Variants in GULP1 observed in about 807,000 individuals in gnomAD.
GULP1 encodes GULP PTB domain containing engulfment adaptor 1.
In GULP1, 19 loss-of-function variants were observed where a neutral mutation model predicts 40.9. That is an observed-to-expected ratio of 0.46 (90% confidence interval 0.32 to 0.68). The LOEUF (loss-of-function observed/expected upper bound fraction) is 0.68. GULP1 is among the 30% of genes least tolerant of loss of function. GULP1 has a pLI of 0.03. For missense variants in GULP1, 312 were observed against 362.2 expected (o/e 0.86, Z 1.12); for synonymous variants, 119 against 117.6 (o/e 1.01, Z -0.08).
intron 1 of GULP1, among the ~76,000 whole-genome samples, chr2:188,312,970 GT>G (rs201030515): frequency 6.6e-6 from 1 of 151,690 alleles, no homozygotes; most frequent in East Asian, 1.9e-4. Context: ...GGGGTTGTTT[GT>G]TTTTTTCCTG....
rs2034234713 is a variant in GULP1 at position 188,293,454 on chromosome 2, A to G, written c.-172+1288A>G. 2.0e-5 allele frequency among the ~76,000 whole-genome samples: 3 copies of G among 152,348 alleles called. No individual in the cohort carries two copies. In the South Asian group the frequency reaches 6.2e-4, roughly 32 times the overall value. ...GGACTAGCAGGAGACAATACTGATG[A>G]TTTTGTGTCTGTATTACAAAATGGG... On this transcript the variant is annotated intron_variant, in intron 1 of 11. Coordinates refer to ENST00000409830, the MANE Select transcript of GULP1 (RefSeq NM_016315.4).
chr2:188,570,497 T>C lies in GULP1; in HGVS notation c.609+377T>C, dbSNP rs187010746. Among the ~76,000 whole-genome samples, 78 of 152,314 alleles carry C rather than the reference T, an allele frequency of 5.1e-4. 1 individual carries two copies. The highest frequency in any genetic ancestry group is 1.5e-3 in the African/African-American group (62 of 41,576). On this transcript the variant is annotated intron_variant, in intron 9 of 11. Transcript: ENST00000409830. ...CCCCTTGAAGTGCTCAACTTCATTG[T>C]AGGAATTCAACTGTGAGCAAGACTG...
At chr2:188,443,726 G>A (rs375092340) in intron 2 of GULP1, among the ~76,000 whole-genome samples, 10 of 143,798 alleles carry the variant, frequency 7.0e-5, no homozygotes, top group African/African-American at 1.6e-4. Context: ...TTGCTCTGTC[G>A]CCCAGGCTGG....
intron 4 of GULP1, among the ~76,000 whole-genome samples, chr2:188,487,923 A>T (rs2153081858): frequency 6.6e-6 from 1 of 152,086 alleles, no homozygotes; most frequent in South Asian, 2.1e-4. Context: ...TGCCAACAAA[A>T]AAATTACCTA....
At chr2:188,589,974 C>CTT (rs11399381) in intron 11 of GULP1, 6,918 of 208,080 alleles carry the variant, frequency 0.033, 9 homozygotes, top group East Asian at 0.077. Context: ...CCTTTCTTTT[C>CTT]TTTTTTTTTT....
At chr2:188,332,914 A>G (rs1021644459) in intron 1 of GULP1, among the ~76,000 whole-genome samples, 4 of 152,112 alleles carry the variant, frequency 2.6e-5, no homozygotes, top group African/African-American at 7.2e-5. Context: ...GAGCTTGGAT[A>G]AGTAGCTTCG....
intron 2 of GULP1, among the ~76,000 whole-genome samples, chr2:188,439,105 A>T: frequency 6.6e-6 from 1 of 152,140 alleles, no homozygotes; most frequent in Non-Finnish European, 1.5e-5. Flanking sequence ...GCATATTTCT[A>T]CCAACTATTG....
intron 6 of GULP1, among the ~76,000 whole-genome samples, chr2:188,537,057 G>T (rs1689125395): frequency 6.6e-6 from 1 of 151,690 alleles, no homozygotes; most frequent in Non-Finnish European, 1.5e-5. Context: ...TACTGAAGTT[G>T]TTTACTATCA....
chr2:188,442,657 C>T (rs1488928431), intron 2 of GULP1, among the ~76,000 whole-genome samples: 1 of 152,102 alleles, frequency 6.6e-6, no homozygotes, highest in African/African-American at 2.4e-5. Flanking sequence ...TGATTGTAGA[C>T]AAATTTATCC....
At chr2:188,368,878 G>C (rs1017507568) in intron 1 of GULP1, among the ~76,000 whole-genome samples, 2 of 138,882 alleles carry the variant, frequency 1.4e-5, no homozygotes, top group South Asian at 4.6e-4. Context: ...CATTGGGTTA[G>C]TATAATTCTT....
chr2:188,497,100 A>C (rs2062971892), intron 4 of GULP1, among the ~76,000 whole-genome samples: 1 of 151,994 alleles, frequency 6.6e-6, no homozygotes, highest in Non-Finnish European at 1.5e-5. Context: ...AACAGTAATC[A>C]ATGAGTTATC....
intron 6 of GULP1, among the ~76,000 whole-genome samples, chr2:188,538,725 A>T (rs1689628046): frequency 6.7e-6 from 1 of 149,256 alleles, no homozygotes; most frequent in Non-Finnish European, 1.5e-5. Context: ...GTGTGTAGTG[A>T]GAGAGAGAGA....
intron 9 of GULP1, among the ~76,000 whole-genome samples, chr2:188,582,792 A>G (rs1321500534): frequency 1.3e-5 from 2 of 152,206 alleles, no homozygotes; most frequent in African/African-American, 4.8e-5. Context: ...GATACTTCAA[A>G]GGATCTATCA....
chr2:188,423,222 A>G (rs1477980344), intron 2 of GULP1, among the ~76,000 whole-genome samples: 1 of 152,088 alleles, frequency 6.6e-6, no homozygotes, highest in African/African-American at 2.4e-5. Context: ...GTAAATTAGT[A>G]GCTTAGTAAA....
chr2:188,507,396 C>CTTTTTTTTT (rs5837091), intron 4 of GULP1, among the ~76,000 whole-genome samples: 43 of 103,502 alleles, frequency 4.2e-4, no homozygotes, highest in Non-Finnish European at 4.8e-4. Flanking sequence ...CATTTGTTTT[C>CTTTTTTTTT]TTTTTTTTTT....
intron 1 of GULP1, among the ~76,000 whole-genome samples, chr2:188,314,267 G>GTA (rs1233670644): frequency 6.6e-6 from 1 of 152,126 alleles, no homozygotes; most frequent in African/African-American, 2.4e-5. Context: ...AATACTAGTA[G>GTA]TACAGTAGGG....
At chr2:188,368,939 G>GTGTATA (rs1272494109) in intron 1 of GULP1, among the ~76,000 whole-genome samples, 47 of 86,068 alleles carry the variant, frequency 5.5e-4, no homozygotes, top group African/African-American at 1.6e-3. Context: ...ATATATGTGT[G>GTGTATA]TATATATATA....
intron 2 of GULP1, among the ~76,000 whole-genome samples, chr2:188,468,304 A>G (rs184736877): frequency 2.0e-5 from 3 of 152,298 alleles, no homozygotes; most frequent in Admixed American, 6.5e-5. Context: ...TAGTTTTGTT[A>G]CTCAGATGAC....
intron 2 of GULP1, among the ~76,000 whole-genome samples, chr2:188,389,533 G>A (rs914475100): frequency 9.9e-5 from 15 of 152,104 alleles, no homozygotes; most frequent in Non-Finnish European, 4.4e-5. Flanking sequence ...ATGAGTCTTA[G>A]TGTAATGGAT....
Sources: gnomAD v4.1 joint callset for allele counts (sites outside exome capture counted in the v4.1 genomes callset) on GRCh38, gnomAD v4.1.1 for gene constraint, MANE v1.5 for transcripts, NCBI Gene and HGNC (gene_info 2026-07-23, HGNC 2026-07-21) for gene names.